KIF6: variants seen among roughly 807,000 people sequenced by gnomAD.
The protein encoded by KIF6 is kinesin-like protein KIF6.
Under a neutral mutation model 112.7 loss-of-function variants are expected in KIF6, and 106 were observed. That is an observed-to-expected ratio of 0.94 (90% CI 0.80 to 1.11). The LOEUF is 1.11. Ranked by LOEUF, KIF6 falls within the 50% of genes least tolerant of loss-of-function variation. The probability of loss-of-function intolerance (pLI) is 0.00; values close to 1 mark genes in which losing one functional copy is unlikely to be tolerated. For missense variants in KIF6, 929 were observed against 964.0 expected (o/e 0.96, Z 0.48); for synonymous variants, 339 against 339.9 (o/e 1.00, Z 0.03).
chr6:39,681,714 G>A lies in KIF6; in HGVS notation c.251+32978C>T, dbSNP rs78930036. Among the ~76,000 whole-genome samples, 651 of 152,186 alleles carry A rather than the reference G, an allele frequency of 4.3e-3. 5 individuals are homozygous for A. The highest frequency in any genetic ancestry group is 0.014 in the African/African-American group (600 of 41,524). ...AGAACTCTTCCCTTCCCAATTCCAC[G>A]GAGAAATGGACAATAAGCAGTTTCA... On this transcript the variant is annotated intron_variant, in intron 3 of 22. Coordinates refer to ENST00000287152, the MANE Select transcript of KIF6 (RefSeq NM_145027.6).
chr6:39,585,907 C>T (rs756575806), intron 8 of KIF6, among the ~76,000 whole-genome samples: 7 of 152,162 alleles, frequency 4.6e-5, no homozygotes, highest in African/African-American at 9.7e-5. Flanking sequence ...CCAAGGTATC[C>T]GGATCTTAGT....
At chr6:39,423,134 C>T (rs1268873311) in intron 14 of KIF6, among the ~76,000 whole-genome samples, 1 of 152,150 alleles carries the variant, frequency 6.6e-6, no homozygotes, top group Non-Finnish European at 1.5e-5. Context: ...AGTGTGGATG[C>T]AGGCAGGCTG....
intron 13 of KIF6, among the ~76,000 whole-genome samples, chr6:39,534,857 A>T (rs553383896): frequency 2.0e-5 from 3 of 151,190 alleles, no homozygotes; most frequent in East Asian, 1.9e-4. Flanking sequence ...GACTAACAGC[A>T]GATCTCTTGG....
At position 39,658,744 on chromosome 6, in the gene KIF6, CA is replaced by C. The variant is rs909681197; in HGVS notation, c.252-18988del. Among the ~76,000 whole-genome samples, 8 of 152,258 alleles carry C rather than the reference CA, an allele frequency of 5.3e-5. No individual in the cohort carries two copies. In the East Asian group the frequency reaches 1.3e-3, roughly 26 times the overall value. The stretch of plus-strand genomic sequence containing the variant: ...GAGGCCAAGCACATATATTTCCACC[CA>C]GGGGGAAAAGTTTAGAGTCAATGAA... On this transcript the variant is annotated intron_variant, in intron 3 of 22. Transcript: ENST00000287152.
At chr6:39,597,833 A>G (rs190297023) in intron 6 of KIF6, among the ~76,000 whole-genome samples, 107 of 152,272 alleles carry the variant, frequency 7.0e-4, no homozygotes, top group African/African-American at 2.5e-3. Flanking sequence ...GCACTAGAAG[A>G]TATTTGCAAT....
Position 39,573,177 on chromosome 6 carries a change from A to C in KIF6, c.1181+4879T>G, listed in dbSNP as rs531703986. Among the ~76,000 whole-genome samples the C allele has an allele frequency of 1.2e-3, 188 of 152,094 alleles. 1 individual carries two copies. The Middle Eastern group carries it at 0.017, about 14-fold the overall frequency. On this transcript the variant is annotated intron_variant, in intron 10 of 22. Coordinates refer to ENST00000287152, the MANE Select transcript of KIF6 (RefSeq NM_145027.6). ...ACTGTGTCCTGACAAGCTCTGGGACACATACTCTCTCAGTACCATCATCCC... is the reference window on the plus strand; with the variant it reads ...ACTGTGTCCTGACAAGCTCTGGGACCCATACTCTCTCAGTACCATCATCCC...
In KIF6 at chr6:39,374,890, AAT is replaced by A. The variant is rs541765808; in HGVS notation, c.1861+10730_1861+10731del. ...CTGGGTATACATCTGAAGGAACTGAAATCAGTATGTTGAAGAGATATCTGCAT... is the reference window on the plus strand; with the variant it reads ...CTGGGTATACATCTGAAGGAACTGAACAGTATGTTGAAGAGATATCTGCAT... On this transcript the variant is annotated intron_variant, in intron 16 of 22. Coordinates refer to ENST00000287152, the MANE Select transcript of KIF6 (RefSeq NM_145027.6). Among the ~76,000 whole-genome samples the A allele has an allele frequency of 2.3e-3, 344 of 152,346 alleles. 2 individuals are homozygous for A. The highest frequency in any genetic ancestry group is 7.7e-3 in the African/African-American group (321 of 41,580).
At chr6:39,539,365 A>G (rs889977802) in intron 13 of KIF6, among the ~76,000 whole-genome samples, 1 of 152,066 alleles carries the variant, frequency 6.6e-6, no homozygotes, top group African/African-American at 2.4e-5. Context: ...TATTTTTGAG[A>G]CAGAGTCTCA....
intron 13 of KIF6, among the ~76,000 whole-genome samples, chr6:39,452,492 A>C (rs1317566487): frequency 1.3e-5 from 2 of 152,232 alleles, no homozygotes; most frequent in African/African-American, 4.8e-5. Flanking sequence ...AAAGAATGCA[A>C]GAGTGGGTAA....
chr6:39,638,018 A>G (rs1447763461), intron 4 of KIF6, among the ~76,000 whole-genome samples: 1 of 152,074 alleles, frequency 6.6e-6, no homozygotes, highest in African/African-American at 2.4e-5. Context: ...TTTTAAAGGG[A>G]CAAAAAATAT....
intron 13 of KIF6, among the ~76,000 whole-genome samples, chr6:39,505,400 A>G (rs908925137): frequency 2.6e-5 from 4 of 152,214 alleles, no homozygotes; most frequent in African/African-American, 7.2e-5. Context: ...TAAAAACCCT[A>G]TAAGAAAACC....
chr6:39,372,710 A>G (rs993586828), intron 16 of KIF6, among the ~76,000 whole-genome samples: 6 of 152,184 alleles, frequency 3.9e-5, no homozygotes, highest in Non-Finnish European at 8.8e-5. Context: ...AATATTACGG[A>G]ATTGGTAGAA....
At chr6:39,482,038 A>C (rs1298078197) in intron 13 of KIF6, among the ~76,000 whole-genome samples, 2 of 151,312 alleles carry the variant, frequency 1.3e-5, no homozygotes, top group African/African-American at 4.9e-5. Context: ...ACACACACAC[A>C]CACCCCACTG....
intron 3 of KIF6, among the ~76,000 whole-genome samples, chr6:39,672,458 A>G (rs565864639): frequency 3.9e-5 from 6 of 152,390 alleles, no homozygotes; most frequent in South Asian, 2.1e-4. Context: ...GATAATATAC[A>G]TAATCTCAGT....
rs568250237 is a variant in KIF6 at position 39,688,616 on chromosome 6, TTC to T, written c.251+26074_251+26075del. On this transcript the variant is annotated intron_variant, in intron 3 of 22. Transcript: ENST00000287152. ...GTACCACAGGAACGAGTAGTAGCCTTTCTCAGATTTCCCAAGAAGCTGCCACA... is the reference window on the plus strand; with the variant it reads ...GTACCACAGGAACGAGTAGTAGCCTTTCAGATTTCCCAAGAAGCTGCCACA... 4.6e-5 allele frequency among the ~76,000 whole-genome samples: 7 copies of T among 152,226 alleles called. No individual in the cohort carries two copies. The South Asian group carries it at 1.2e-3, about 27-fold the overall frequency.
chr6:39,348,478 T>G (rs1357176941), intron 19 of KIF6, among the ~76,000 whole-genome samples: 1 of 152,100 alleles, frequency 6.6e-6, no homozygotes, highest in Non-Finnish European at 1.5e-5. Context: ...TGTAAGCTGC[T>G]CAAGCATCCT....
At chr6:39,337,239 T>TTTCTTTCTTTCTTTCTTTCTTTC (rs1763075290) in intron 22 of KIF6, among the ~76,000 whole-genome samples, 8 of 93,114 alleles carry the variant, frequency 8.6e-5, no homozygotes, top group East Asian at 6.2e-4. Flanking sequence ...TTCTTTCTTT[T>TTTCTTTCTTTCTTTCTTTCTTTC]TCTTTCTTTT....
intron 5 of KIF6, among the ~76,000 whole-genome samples, chr6:39,633,903 G>A (rs904411387): frequency 1.3e-5 from 2 of 152,008 alleles, no homozygotes; most frequent in Non-Finnish European, 2.9e-5. Context: ...CTCACATTTT[G>A]GACTGTAATT....
chr6:39,553,803 C>G (rs1779530221), intron 10 of KIF6: 1 of 152,378 alleles, frequency 6.6e-6, no homozygotes, highest in South Asian at 2.1e-4. Context: ...AATAGCTGGC[C>G]TGGCTGAGGA....
Sources: allele counts gnomAD v4.1 joint callset (sites outside exome capture counted in the v4.1 genomes callset), GRCh38; gene constraint gnomAD v4.1.1; transcripts MANE v1.5; gene names NCBI Gene and HGNC (gene_info 2026-07-23, HGNC 2026-07-21).